The following E2F3 variants were observed in gnomAD, a reference collection of about 807,000 sequenced individuals.
E2F3 encodes transcription factor E2F3.
A neutral mutation model predicts 44.4 loss-of-function variants in E2F3; 11 were observed. The ratio of observed to expected loss-of-function variants is 0.25; its 90% CI spans 0.16 to 0.41. E2F3 has a LOEUF of 0.41. Ranked by LOEUF, E2F3 falls within the 10% of genes least tolerant of loss-of-function variation. The pLI is 1.00. For missense variants in E2F3, 487 were observed against 583.6 expected (o/e 0.83, Z 1.70); for synonymous variants, 249 against 253.0 (o/e 0.98, Z 0.15).
chr6:20,430,217 C>G (rs942852113), intron 1 of E2F3, among the ~76,000 whole-genome samples: 1 of 152,044 alleles, frequency 6.6e-6, no homozygotes, highest in Non-Finnish European at 1.5e-5. Context: ...ATAAGTAGGT[C>G]CCATGCAATA....
intron 1 of E2F3, among the ~76,000 whole-genome samples, chr6:20,408,244 A>G (rs1405652939): frequency 6.6e-6 from 1 of 152,210 alleles, no homozygotes; most frequent in African/African-American, 2.4e-5. Flanking sequence ...GAAAGTGACG[A>G]GGAAAATGTA....
intron 1 of E2F3, among the ~76,000 whole-genome samples, chr6:20,420,750 CTG>C (rs1316350877): frequency 2.6e-5 from 4 of 152,216 alleles, no homozygotes; most frequent in Non-Finnish European, 5.9e-5. Context: ...ACACTGAAGA[CTG>C]TTGCTGTTTA....
intron 1 of E2F3, among the ~76,000 whole-genome samples, chr6:20,449,864 ATGCAGTATATGGTTTTCCGTTCCTG>A (rs1399080605): frequency 6.6e-6 from 1 of 152,288 alleles, no homozygotes; most frequent in Non-Finnish European, 1.5e-5. Flanking sequence ...AAGTGAGAAC[ATGCAGTATATGGTTTTCCGTTCCTG>A]TGTTAGTTTG....
intron 1 of E2F3, among the ~76,000 whole-genome samples, chr6:20,410,858 G>T (rs528845489): frequency 8.9e-4 from 135 of 152,314 alleles, no homozygotes; most frequent in Non-Finnish European, 1.5e-3. Context: ...CTGACCTCAG[G>T]TGATCTGCCC....
intron 1 of E2F3, chr6:20,403,901 C>T (rs1336706647): frequency 5.0e-6 from 5 of 1,007,470 alleles, no homozygotes; most frequent in East Asian, 3.2e-5. Flanking sequence ...GGGGCTGAAG[C>T]GGTGAGGGTA....
At chr6:20,419,046 T>C (rs1759940863) in intron 1 of E2F3, among the ~76,000 whole-genome samples, 1 of 152,188 alleles carries the variant, frequency 6.6e-6, no homozygotes, top group African/African-American at 2.4e-5. Context: ...TATATAAAAG[T>C]AAAAATGATT....
intron 1 of E2F3, among the ~76,000 whole-genome samples, chr6:20,450,903 AT>A (rs745691519): frequency 3.3e-5 from 5 of 151,982 alleles, no homozygotes; most frequent in African/African-American, 4.8e-5. Context: ...CCGTTGCTTA[AT>A]TTTTGTCAGG....
chr6:20,478,994 T>C (rs2127619597), intron 1 of E2F3, among the ~76,000 whole-genome samples: 1 of 152,318 alleles, frequency 6.6e-6, no homozygotes, highest in East Asian at 1.9e-4. Context: ...AAGCCCCTTA[T>C]CTATCTTGCT....
intron 1 of E2F3, among the ~76,000 whole-genome samples, chr6:20,439,407 T>C (rs548683281): frequency 6.6e-6 from 1 of 152,330 alleles, no homozygotes; most frequent in African/African-American, 2.4e-5. Context: ...GTTTTGTTTG[T>C]TTCTTTATTT....
chr6:20,461,285 A>G (rs1761499885), intron 1 of E2F3, among the ~76,000 whole-genome samples: 1 of 152,100 alleles, frequency 6.6e-6, no homozygotes, highest in African/African-American at 2.4e-5. Context: ...CAAGGTCAGG[A>G]GATCGAGACC....
Position 20,486,792 on chromosome 6 carries a change from G to A in E2F3, c.988G>A (p.Asp330Asn), listed in dbSNP as rs1762407503. 6.2e-7 allele frequency: 1 copy of A among 1,609,212 alleles called. No homozygotes were observed. Among genetic ancestry groups the A allele is most frequent in the East Asian group, 2.2e-5 (1 of 44,824 alleles). The stretch of plus-strand genomic sequence containing the variant: ...TCCAGAAACAAGACTTGAAGTGCCT[G>A]ACTCAATAGAGGTAAGGAGACAGCG... ...APPETRLEVP[D>N]SIESLQIHLA... The change falls in exon 5 of 7, where the codon GAC becomes AAC. Residue 330 changes from aspartate (D) to asparagine (N), a missense_variant. This residue lies in a region of E2F3 where 220 missense variants were observed against 261.7 expected (regional missense o/e 0.84). Coordinates refer to ENST00000346618, the MANE Select transcript of E2F3 (RefSeq NM_001949.5).
chr6:20,492,617 A>G lies in E2F3; in HGVS notation c.*2187A>G, dbSNP rs753805799. On this transcript the variant is annotated 3_prime_UTR_variant, in exon 7 of 7. Coordinates refer to ENST00000346618, the MANE Select transcript of E2F3 (RefSeq NM_001949.5). ...ACAAAGCTGATTTTTTCCAAAGTCT[A>G]AAGACTGAGCTCACCTGGCTAGATT... The G allele has an allele frequency of 4.3e-6, 1 of 232,308 alleles. No individual in the cohort carries two copies. 14.4% of individuals were successfully genotyped at this position (232,308 alleles called of 1,614,324 possible).
chr6:20,408,389 G>C (rs1759560129), intron 1 of E2F3, among the ~76,000 whole-genome samples: 1 of 152,162 alleles, frequency 6.6e-6, no homozygotes, highest in Admixed American at 6.5e-5. Context: ...GAGGGAAATT[G>C]GTTTATATTC....
intron 1 of E2F3, among the ~76,000 whole-genome samples, chr6:20,419,582 G>A (rs1191052542): frequency 2.0e-5 from 3 of 151,336 alleles, no homozygotes; most frequent in African/African-American, 7.3e-5. Flanking sequence ...TACTTATTTT[G>A]AGATGGAGTC....
intron 1 of E2F3, among the ~76,000 whole-genome samples, chr6:20,452,926 C>G (rs758753773): frequency 1.3e-5 from 2 of 152,116 alleles, no homozygotes; most frequent in Admixed American, 6.5e-5. Context: ...TGTACTCCAG[C>G]CTGGTGACAG....
chr6:20,444,975 C>A, intron 1 of E2F3: 1 of 641,364 alleles, frequency 1.6e-6, no homozygotes, highest in Non-Finnish European at 1.9e-6. Flanking sequence ...TGCACTGTCC[C>A]TGTCATATAA....
intron 4 of E2F3, 152 bp downstream of exon 4, chr6:20,483,072 C>T (rs2273915): frequency 0.032 from 36,420 of 1,145,686 alleles, 946 homozygotes; most frequent in East Asian, 0.1. Context: ...TGTGTGTGCA[C>T]GTGTGTGTGT....
chr6:20,409,948 C>G (rs1326379395), intron 1 of E2F3, among the ~76,000 whole-genome samples: 1 of 152,166 alleles, frequency 6.6e-6, no homozygotes, highest in Non-Finnish European at 1.5e-5. Flanking sequence ...ATCAGTGAAG[C>G]TGATTTCCTC....
chr6:20,476,924 G>C (rs1762064363), intron 1 of E2F3, among the ~76,000 whole-genome samples: 1 of 152,220 alleles, frequency 6.6e-6, no homozygotes, highest in African/African-American at 2.4e-5. Context: ...GGAGCCATTA[G>C]AATGATGTTT....
Sources: allele counts gnomAD v4.1 joint callset (sites outside exome capture counted in the v4.1 genomes callset), GRCh38; gene constraint gnomAD v4.1.1; regional missense constraint gnomAD v4.1.1; transcripts MANE v1.5; gene names NCBI Gene and HGNC (gene_info 2026-07-23, HGNC 2026-07-21).